The following PRKCE variants were observed in gnomAD, a reference collection of about 807,000 sequenced individuals.
PRKCE encodes the protein protein kinase C epsilon type.
PRKCE carries 16 observed loss-of-function variants against 85.4 expected under a neutral mutation model. The observed-to-expected ratio is 0.19, with a 90% confidence interval of 0.13 to 0.28. The LOEUF is 0.28. PRKCE is among the 10% of genes least tolerant of loss of function. PRKCE has a pLI of 1.00. For missense variants in PRKCE, 573 were observed against 975.2 expected (o/e 0.59, Z 5.49); for synonymous variants, 388 against 371.5 (o/e 1.04, Z -0.51).
chr2:45,916,524 GT>G (rs1231569892), intron 2 of PRKCE, among the ~76,000 whole-genome samples: 1 of 152,140 alleles, frequency 6.6e-6, no homozygotes, highest in Non-Finnish European at 1.5e-5. Flanking sequence ...GTGATTGTAG[GT>G]GTGAGCCATT....
intron 2 of PRKCE, among the ~76,000 whole-genome samples, chr2:45,868,965 A>G (rs1693853464): frequency 1.3e-5 from 2 of 151,180 alleles, no homozygotes. Context: ...CTCAAAAAAA[A>G]AAAAAAAAGA....
chr2:45,994,757 G>A (rs770586800), intron 6 of PRKCE, among the ~76,000 whole-genome samples: 3 of 152,128 alleles, frequency 2.0e-5, no homozygotes, highest in Non-Finnish European at 2.9e-5. Flanking sequence ...TCCATGTGCG[G>A]GTTTTTATAT....
rs1696896307 is a variant in PRKCE at position 45,905,376 on chromosome 2, A to G, written c.412+62313A>G. Among the ~76,000 whole-genome samples, 1 of 152,242 alleles carries G rather than the reference A, an allele frequency of 6.6e-6. No individual in the cohort carries two copies. The highest frequency in any genetic ancestry group is 1.5e-5 in the Non-Finnish European group (1 of 68,040). On this transcript the variant is annotated intron_variant, in intron 2 of 14. Transcript: ENST00000306156. This position sits in a 1 kb window ranked among gnomAD's most constrained non-coding sequence, Gnocchi z 4.4. The stretch of plus-strand genomic sequence containing the variant: ...TTCCACAATCAATATCCAGCTTCTA[A>G]ACATTATACATATTGATGAGCTGAT...
At chr2:46,061,030 G>A (rs1474062202) in intron 10 of PRKCE, among the ~76,000 whole-genome samples, 1 of 151,460 alleles carries the variant, frequency 6.6e-6, no homozygotes. Context: ...CCAAAGTGCT[G>A]GGATTACAGG....
rs542338998 is a variant in PRKCE at position 45,868,904 on chromosome 2, G to T, written c.412+25841G>T. ...ATCTGGGAGGCAGAGGTTGCAGTGA[G>T]CCAAGATCGTGCCACTGCACTCCAG... On this transcript the variant is annotated intron_variant, in intron 2 of 14. Coordinates refer to ENST00000306156, the MANE Select transcript of PRKCE (RefSeq NM_005400.3). Among the ~76,000 whole-genome samples, 8 of 150,618 alleles carry T rather than the reference G, an allele frequency of 5.3e-5. No homozygotes were observed. In the South Asian group the frequency reaches 1.7e-3, roughly 32 times the overall value.
chr2:46,009,581 A>G (rs968947269), intron 9 of PRKCE, among the ~76,000 whole-genome samples: 4 of 152,350 alleles, frequency 2.6e-5, no homozygotes, highest in South Asian at 2.1e-4. Flanking sequence ...GGCACATTGT[A>G]TCACACATCC....
intron 1 of PRKCE, among the ~76,000 whole-genome samples, chr2:45,740,281 C>G (rs1682446621): frequency 6.6e-6 from 1 of 152,138 alleles, no homozygotes; most frequent in Non-Finnish European, 1.5e-5. Flanking sequence ...CTTCCTTGGG[C>G]TTAGTCAGGA....
intron 10 of PRKCE, among the ~76,000 whole-genome samples, chr2:46,023,967 C>G (rs767087689): frequency 6.6e-6 from 1 of 152,282 alleles, no homozygotes; most frequent in Non-Finnish European, 1.5e-5. Flanking sequence ...CACATCAACC[C>G]TATGAGGTAG....
chr2:45,976,312 C>T, intron 2 of PRKCE, 117 bp from the exon 3 acceptor site: 1 of 1,235,484 alleles, frequency 8.1e-7, no homozygotes, highest in Non-Finnish European at 1.1e-6. Context: ...ACAAAGGCTA[C>T]CTCTCACCCA....
At chr2:45,858,357 T>C (rs1277886040) in intron 2 of PRKCE, among the ~76,000 whole-genome samples, 1 of 150,562 alleles carries the variant, frequency 6.6e-6, no homozygotes, top group African/African-American at 2.5e-5. Flanking sequence ...CAGCCTTCTT[T>C]GTTTTAGAAA....
At position 46,028,237 on chromosome 2, in the gene PRKCE, C is replaced by T. The variant is rs138836360; in HGVS notation, c.1437+17720C>T. ...AATTACAGGCGTGAGCCACCGCGTC[C>T]GGCCGAAGGTTGGGATTCTTAAAGA... On this transcript the variant is annotated intron_variant, in intron 10 of 14. Coordinates refer to ENST00000306156, the MANE Select transcript of PRKCE (RefSeq NM_005400.3). 6.4e-3 allele frequency among the ~76,000 whole-genome samples: 968 copies of T among 152,310 alleles called. 7 individuals carry two copies. The highest frequency in any genetic ancestry group is 0.044 in the Middle Eastern group (13 of 294).
At chr2:45,788,723 ATCTAATTC>A in intron 1 of PRKCE, among the ~76,000 whole-genome samples, 1 of 152,354 alleles carries the variant, frequency 6.6e-6, no homozygotes, top group South Asian at 2.1e-4. Context: ...ATAACATCAA[ATCTAATTC>A]TCTATTCAGA....
intron 6 of PRKCE, among the ~76,000 whole-genome samples, chr2:45,997,465 A>G (rs571893331): frequency 6.6e-6 from 1 of 152,194 alleles, no homozygotes; most frequent in South Asian, 2.1e-4. Flanking sequence ...CAATGCTATA[A>G]ACTTCCTTTG....
intron 2 of PRKCE, among the ~76,000 whole-genome samples, chr2:45,887,001 C>T (rs1046520550): frequency 2.0e-5 from 3 of 152,192 alleles, no homozygotes; most frequent in Non-Finnish European, 4.4e-5. Flanking sequence ...GGGTCAGAAG[C>T]TCAGAGTTTA....
intron 2 of PRKCE, among the ~76,000 whole-genome samples, chr2:45,952,684 G>C (rs574855589): frequency 1.6e-4 from 25 of 152,280 alleles, no homozygotes; most frequent in African/African-American, 5.8e-4. Flanking sequence ...CCCTTATATA[G>C]CACTTAATGT....
intron 1 of PRKCE, among the ~76,000 whole-genome samples, chr2:45,796,490 G>A (rs1296561890): frequency 6.6e-6 from 1 of 152,172 alleles, no homozygotes; most frequent in Non-Finnish European, 1.5e-5. Context: ...CTCTTATGAT[G>A]ATTTCACTGA....
At chr2:45,838,569 A>G (rs1691085849) in intron 1 of PRKCE, among the ~76,000 whole-genome samples, 1 of 152,060 alleles carries the variant, frequency 6.6e-6, no homozygotes, top group Non-Finnish European at 1.5e-5. Flanking sequence ...TCCCCCAGAA[A>G]GGGTGCATAC....
intron 2 of PRKCE, among the ~76,000 whole-genome samples, chr2:45,888,440 TGCAGAA>T (rs1695458253): frequency 6.7e-6 from 1 of 149,784 alleles, no homozygotes; most frequent in Non-Finnish European, 1.5e-5. Flanking sequence ...CTTTAAAAAA[TGCAGAA>T]GTAGTATTTC....
At chr2:45,768,778 A>G (rs1558650996) in intron 1 of PRKCE, among the ~76,000 whole-genome samples, 1 of 152,244 alleles carries the variant, frequency 6.6e-6, no homozygotes, top group Non-Finnish European at 1.5e-5. Context: ...TAGGAATTAT[A>G]GTCTTTACCA....
Sources: allele counts gnomAD v4.1 joint callset (sites outside exome capture counted in the v4.1 genomes callset), GRCh38; gene constraint gnomAD v4.1.1; non-coding constraint Gnocchi (gnomAD v3.1); transcripts MANE v1.5; gene names NCBI Gene and HGNC (gene_info 2026-07-23, HGNC 2026-07-21).